The following TLK2 variants were observed in gnomAD, a reference collection of about 807,000 sequenced individuals.
TLK2 encodes serine/threonine-protein kinase tousled-like 2.
A neutral mutation model predicts 117.3 loss-of-function variants in TLK2; 6 were observed. That is an observed-to-expected ratio of 0.05 (90% CI 0.03 to 0.10). The LOEUF (loss-of-function observed/expected upper bound fraction) is 0.10, where lower values mean the gene tolerates loss of function less well. Among genes scored for constraint, TLK2 ranks in the 10% least tolerant of loss-of-function variants. TLK2 has a pLI of 1.00. For missense variants in TLK2, 299 were observed against 901.2 expected, an observed-to-expected ratio of 0.33 and a Z score of 8.56; for synonymous variants, 257 against 316.7, an observed-to-expected ratio of 0.81 and a Z score of 2.00.
chr17:62,584,549 C>T (rs903530072), intron 15 of TLK2, among the ~76,000 whole-genome samples: 1 of 152,140 alleles, frequency 6.6e-6, no homozygotes, highest in Non-Finnish European at 1.5e-5. Context: ...GGCATGGCCT[C>T]TACTGCCTCT....
intron 7 of TLK2, among the ~76,000 whole-genome samples, chr17:62,548,826 T>C (rs1387072639): frequency 6.6e-6 from 1 of 151,684 alleles, no homozygotes. Context: ...AACCTCCACC[T>C]CCTGGGTTAA....
chr17:62,595,745 G>A (rs2082430269), intron 16 of TLK2, among the ~76,000 whole-genome samples: 1 of 152,090 alleles, frequency 6.6e-6, no homozygotes, highest in African/African-American at 2.4e-5. Flanking sequence ...TTAGAATAAA[G>A]TAAAGCTAAT....
intron 7 of TLK2, among the ~76,000 whole-genome samples, chr17:62,542,514 T>TA (rs1483816869): frequency 6.6e-6 from 1 of 152,226 alleles, no homozygotes; most frequent in East Asian, 1.9e-4. Flanking sequence ...TAGTTATTGT[T>TA]ACAGTATGAG....
intron 15 of TLK2, among the ~76,000 whole-genome samples, chr17:62,583,550 T>TC (rs2081368544): frequency 6.6e-6 from 1 of 152,236 alleles, no homozygotes; most frequent in South Asian, 2.1e-4. Flanking sequence ...CATCCTATTT[T>TC]TTCCTAATGT....
intron 11 of TLK2, among the ~76,000 whole-genome samples, chr17:62,569,969 C>T (rs914168506): frequency 6.6e-6 from 1 of 152,138 alleles, no homozygotes; most frequent in Non-Finnish European, 1.5e-5. Flanking sequence ...TTTGCCTCTT[C>T]AGCAGTGTGG....
chr17:62,509,855 G>A (rs1028424149), intron 2 of TLK2, among the ~76,000 whole-genome samples: 2 of 152,186 alleles, frequency 1.3e-5, no homozygotes, highest in African/African-American at 4.8e-5. Context: ...TCCCTCTGGA[G>A]GACACAGTGT....
intron 17 of TLK2, chr17:62,597,290 CT>C (rs1373965317): frequency 6.6e-6 from 1 of 152,370 alleles, no homozygotes; most frequent in African/African-American, 2.4e-5. Context: ...GCTTCTTTCA[CT>C]TACCATGGTG....
At chr17:62,586,376 C>T (rs186801534) in intron 16 of TLK2, 150 bp downstream of exon 16, 50 of 612,592 alleles carry the variant, frequency 8.2e-5, no homozygotes, top group Admixed American at 7.1e-4. Flanking sequence ...CTCAGTGTTA[C>T]GACGAGGAAA....
At chr17:62,592,529 C>G (rs544439609) in intron 16 of TLK2, among the ~76,000 whole-genome samples, 12 of 152,226 alleles carry the variant, frequency 7.9e-5, no homozygotes, top group Non-Finnish European at 1.2e-4. Flanking sequence ...ATGGTATAGC[C>G]TACTTACATA....
chr17:62,542,432 C>G lies in TLK2; in HGVS notation c.531+6095C>G, dbSNP rs373338755. ...TTATTTAATCAACTTTAAGTAAGATCTGTTTACTCCTCGTTATGAAAGACA... is the reference window on the plus strand; with the variant it reads ...TTATTTAATCAACTTTAAGTAAGATGTGTTTACTCCTCGTTATGAAAGACA... On this transcript the variant is annotated intron_variant, in intron 7 of 21. Coordinates refer to ENST00000346027, the MANE Select transcript of TLK2 (RefSeq NM_006852.6). Among the ~76,000 whole-genome samples the G allele has an allele frequency of 3.7e-3, 563 of 152,286 alleles. 3 individuals are homozygous for G. Among genetic ancestry groups the G allele is most frequent in the South Asian group, 0.021 (100 of 4,820 alleles).
At chr17:62,520,436 GGAGGTC>G (rs1567839961) in intron 2 of TLK2, among the ~76,000 whole-genome samples, 2 of 152,044 alleles carry the variant, frequency 1.3e-5, no homozygotes, top group Non-Finnish European at 2.9e-5. Context: ...CAGCACTTTG[GGAGGTC>G]GAGACAGGCA....
At chr17:62,594,072 C>T (rs1462315485) in intron 16 of TLK2, among the ~76,000 whole-genome samples, 3 of 151,468 alleles carry the variant, frequency 2.0e-5, no homozygotes, top group Non-Finnish European at 2.9e-5. Context: ...GGATTACAGC[C>T]GTTAGCCACC....
Position 62,536,303 on chromosome 17 carries a change from A to G in TLK2, c.497A>G (p.Gln166Arg). ...CGGCTTGACACAGAGCAGCTGGCGC[A>G]AAGGGGAGCTGGCCTCTGCTTCACT... is the stretch of plus-strand genomic sequence containing the variant. The part of the protein sequence containing the change: ...KPRLDTEQLA[Q>R]RGAGLCFTFV... The change falls in exon 7 of 22, where the codon CAA becomes CGA. Residue 166 changes from glutamine to arginine, a missense_variant. By Grantham distance (43) the Gln-to-Arg change is conservative. Around this residue, in one of 4 missense-constraint regions of TLK2, gnomAD observed 105 missense variants for 218.4 expected, o/e 0.48. Coordinates refer to ENST00000346027, the MANE Select transcript of TLK2 (RefSeq NM_006852.6). 6.2e-7 allele frequency: 1 copy of G among 1,613,288 alleles called. No individual in the cohort carries two copies. Among genetic ancestry groups the G allele is most frequent in the Non-Finnish European group, 8.5e-7 (1 of 1,179,574 alleles).
Position 62,491,848 on chromosome 17 carries a change from C to T in TLK2, c.81+10642C>T, listed in dbSNP as rs151334678. Among the ~76,000 whole-genome samples the T allele has an allele frequency of 7.5e-3, 1,140 of 152,312 alleles. 8 individuals carry two copies. Among genetic ancestry groups the T allele is most frequent in the Non-Finnish European group, 0.011 (757 of 68,022 alleles). ...ATCCACCCGTCTTGGCCTCCCAAAG[C>T]ACTGGGATTACAGGCGTGAGCCCTC... On this transcript the variant is annotated intron_variant, in intron 2 of 21. Coordinates refer to ENST00000346027, the MANE Select transcript of TLK2 (RefSeq NM_006852.6).
intron 6 of TLK2, among the ~76,000 whole-genome samples, chr17:62,532,505 T>C (rs369161592): frequency 1.3e-5 from 2 of 152,204 alleles, no homozygotes; most frequent in Admixed American, 6.5e-5. Flanking sequence ...GTCAGGATCA[T>C]TTTACTTTTA....
chr17:62,510,354 T>G (rs2075046964), intron 2 of TLK2, among the ~76,000 whole-genome samples: 1 of 152,224 alleles, frequency 6.6e-6, no homozygotes, highest in Non-Finnish European at 1.5e-5. Flanking sequence ...AGTACTTTTT[T>G]TGAACCAGAT....
In TLK2 at chr17:62,567,805, A is replaced by AT. The variant is rs935260737; in HGVS notation, c.968+2677dup. On this transcript the variant is annotated intron_variant, in intron 11 of 21. Transcript: ENST00000346027. ...TAGCCTCAATAGGACCCTTAGCACCATTTTTTTTTGTTGTTGTTGTTATTT... is the reference window on the plus strand; with the variant it reads ...TAGCCTCAATAGGACCCTTAGCACCATTTTTTTTTTGTTGTTGTTGTTATTT... Among the ~76,000 whole-genome samples, 411 of 150,544 alleles carry AT rather than the reference A, an allele frequency of 2.7e-3. 2 individuals are homozygous for AT. Among genetic ancestry groups the AT allele is most frequent in the African/African-American group, 7.3e-3 (301 of 41,078 alleles).
At chr17:62,589,304 G>A (rs963197855) in intron 16 of TLK2, among the ~76,000 whole-genome samples, 2 of 152,012 alleles carry the variant, frequency 1.3e-5, no homozygotes, top group African/African-American at 4.8e-5. Flanking sequence ...AATTTGTATC[G>A]GAGTTAGTAT....
rs1352524293 is a variant in TLK2, at chr17:62,526,674, C to T, written c.363+2343C>T. ...TAACAATAACATTGAACTGCTCTTCCTGTAATCTGCCTTGTCCTGGTAAAT... is the reference window on the plus strand; with the variant it reads ...TAACAATAACATTGAACTGCTCTTCTTGTAATCTGCCTTGTCCTGGTAAAT... On this transcript the variant is annotated intron_variant, in intron 6 of 21. Transcript: ENST00000346027. Among the ~76,000 whole-genome samples, 4 of 134,322 alleles carry T rather than the reference C, an allele frequency of 3.0e-5. No individual in the cohort carries two copies. The East Asian group carries it at 8.3e-4, about 28-fold the overall frequency. 88.1% of individuals were successfully genotyped at this position (134,322 alleles called of 152,430 possible).
Sources: allele counts gnomAD v4.1 joint callset (sites outside exome capture counted in the v4.1 genomes callset), GRCh38; gene constraint gnomAD v4.1.1; regional missense constraint gnomAD v4.1.1; transcripts MANE v1.5; gene names NCBI Gene and HGNC (gene_info 2026-07-23, HGNC 2026-07-21).